The following NUP98 variants were observed in gnomAD, a reference collection of about 807,000 sequenced individuals.
The protein encoded by NUP98 is nucleoporin 98 and 96 precursor, also known as nuclear pore complex protein Nup98-Nup96.
NUP98 carries 26 observed loss-of-function variants against 191.9 expected under a neutral mutation model. The ratio of observed to expected loss-of-function variants is 0.14; its 90% CI spans 0.10 to 0.19. The LOEUF (loss-of-function observed/expected upper bound fraction) is 0.19. Among genes scored for constraint, NUP98 ranks in the 10% least tolerant of loss-of-function variants. The pLI is 1.00. For missense variants in NUP98, 1,941 were observed against 2,178.8 expected, an observed-to-expected ratio of 0.89 and a Z score of 2.17; for synonymous variants, 808 against 778.4, an observed-to-expected ratio of 1.04 and a Z score of -0.63.
intron 1 of NUP98, among the ~76,000 whole-genome samples, chr11:3,786,206 T>C (rs777735110): frequency 2.0e-5 from 3 of 152,314 alleles, no homozygotes; most frequent in East Asian, 1.9e-4. Flanking sequence ...AGAAAGAACA[T>C]TGCCAATTAA....
chr11:3,762,501 G>T (rs1382750323), intron 9 of NUP98, among the ~76,000 whole-genome samples: 1 of 151,942 alleles, frequency 6.6e-6, no homozygotes, highest in Non-Finnish European at 1.5e-5. Context: ...TCAACAATTT[G>T]ATCAACCCCA....
chr11:3,722,047 T>C (rs1484318275), intron 16 of NUP98, among the ~76,000 whole-genome samples: 1 of 150,326 alleles, frequency 6.7e-6, no homozygotes, highest in Non-Finnish European at 1.5e-5. Flanking sequence ...AGATATATAG[T>C]AGCATAATAA....
chr11:3,769,053 G>C (rs1162904702), intron 7 of NUP98, among the ~76,000 whole-genome samples: 1 of 152,136 alleles, frequency 6.6e-6, no homozygotes, highest in Non-Finnish European at 1.5e-5. Context: ...TTTTAACCTT[G>C]CTAGTCTAGG....
chr11:3,676,662 C>A, intron 31 of NUP98, 42 bp from the exon 32 acceptor site: 1 of 1,426,922 alleles, frequency 7.0e-7, no homozygotes. Flanking sequence ...AGGGGAGTTC[C>A]TATCACTCCA....
Position 3,797,468 on chromosome 11 carries a change from G to T in NUP98, c.-97C>A, listed in dbSNP as rs895766326. On this transcript the variant is annotated 5_prime_UTR_variant, in exon 1 of 33. Coordinates refer to ENST00000324932, the MANE Select transcript of NUP98 (RefSeq NM_016320.5). ...CCACCCGCCGCTCACAGAGCAGCGCGCGGCCCCCACGAAACCGTCGCCGCC... is the reference window on the plus strand; with the variant it reads ...CCACCCGCCGCTCACAGAGCAGCGCTCGGCCCCCACGAAACCGTCGCCGCC... The T allele has an allele frequency of 2.4e-5, 10 of 423,954 alleles. No homozygotes were observed. Among genetic ancestry groups the T allele is most frequent in the Non-Finnish European group, 3.7e-5 (9 of 241,168 alleles). 26.3% of individuals were successfully genotyped at this position (423,954 alleles called of 1,614,324 possible).
In NUP98 at chr11:3,699,362, A is replaced by C. The variant is rs1252106239; in HGVS notation, c.3743-14T>G. 1 of 1,610,346 alleles carries C rather than the reference A, an allele frequency of 6.2e-7. No homozygotes were observed. Among genetic ancestry groups the C allele is most frequent in the East Asian group, 2.2e-5 (1 of 44,792 alleles). ...AGTGCTTCACAACTAAGGCAGGAAG[A>C]GAAAAACAATGTTACGAGACAAAGT... On this transcript the variant is annotated splice_polypyrimidine_tract_variant and intron_variant, in intron 24 of 32. Transcript: ENST00000324932.
chr11:3,708,686 T>C (rs2078937342), intron 20 of NUP98, among the ~76,000 whole-genome samples: 2 of 147,622 alleles, frequency 1.4e-5, no homozygotes, highest in Non-Finnish European at 3.0e-5. Flanking sequence ...GCAGATCAGG[T>C]ACCCTTTTTA....
Position 3,683,222 on chromosome 11 carries a change from G to A in NUP98, c.4896C>T (p.Leu1632=). The A allele has an allele frequency of 6.2e-7, 1 of 1,614,200 alleles. No individual in the cohort carries two copies. Among genetic ancestry groups the A allele is most frequent in the South Asian group, 1.1e-5 (1 of 91,076 alleles). ...CACCAGAAGCTAAGTGTCGGATGAT[G>A]AGCTTGTGGCAGCGGTTCCAGTGCT... The part of the protein sequence containing the change: ...KAEHWNRCHK[L]IIRHLASDAI... The change falls in exon 30 of 33, where the codon CTC becomes CTT. Residue 1632 remains leucine (L), a synonymous_variant. Transcript: ENST00000324932.
At position 3,717,113 on chromosome 11, in the gene NUP98, G is replaced by C. The variant is rs553778827; in HGVS notation, c.2399+2299C>G. Among the ~76,000 whole-genome samples, 401 of 152,292 alleles carry C rather than the reference G, an allele frequency of 2.6e-3. 1 individual carries two copies. Among genetic ancestry groups the C allele is most frequent in the Non-Finnish European group, 4.8e-3 (324 of 68,038 alleles). ...AGGTTCAAGCCATTCTCTAGCCTCA[G>C]CCTCCGGAGTAGCTGGGATTACAGG... On this transcript the variant is annotated intron_variant, in intron 18 of 32. Coordinates refer to ENST00000324932, the MANE Select transcript of NUP98 (RefSeq NM_016320.5).
At chr11:3,741,356 T>A (rs532460039) in intron 12 of NUP98, among the ~76,000 whole-genome samples, 2 of 151,854 alleles carry the variant, frequency 1.3e-5, no homozygotes, top group South Asian at 4.2e-4. Flanking sequence ...GAGCGGTGGC[T>A]CATGCCTGTA....
At chr11:3,694,138 G>A (rs961439470) in intron 26 of NUP98, among the ~76,000 whole-genome samples, 5 of 151,530 alleles carry the variant, frequency 3.3e-5, no homozygotes, top group South Asian at 2.1e-4. Flanking sequence ...TTGGGAGGCC[G>A]AGGTGGGTGG....
At chr11:3,702,054 G>T (rs1365388266) in intron 23 of NUP98, among the ~76,000 whole-genome samples, 2 of 152,114 alleles carry the variant, frequency 1.3e-5, no homozygotes, top group South Asian at 2.1e-4. Flanking sequence ...ACTTTGGGAG[G>T]CCAAGGTAGG....
In NUP98 at chr11:3,760,741, ACATT is replaced by A. The variant is rs2081135871; in HGVS notation, c.1087-119_1087-116del. On this transcript the variant is annotated intron_variant, in intron 9 of 32. Coordinates refer to ENST00000324932, the MANE Select transcript of NUP98 (RefSeq NM_016320.5). Reference sequence around the variant, plus strand: ...TATGGGGTGGGAGAAAGATGTCCTAACATTCATAAAAAAGGTAGAAAAAAGATGA... The same window carrying A: ...TATGGGGTGGGAGAAAGATGTCCTAACATAAAAAAGGTAGAAAAAAGATGA... 9 of 690,204 alleles carry A rather than the reference ACATT, an allele frequency of 1.3e-5. No homozygotes were observed. The South Asian group carries it at 1.3e-4, about 10-fold the overall frequency. 42.8% of individuals were successfully genotyped at this position (690,204 alleles called of 1,614,324 possible). A position where few individuals can be genotyped will look rare whatever the true frequency, so the allele number is the denominator to read the frequency against.
chr11:3,788,629 G>A (rs546744246), intron 1 of NUP98, among the ~76,000 whole-genome samples: 124 of 151,838 alleles, frequency 8.2e-4, no homozygotes, highest in African/African-American at 2.9e-3. Context: ...AAAAGTGAAA[G>A]GATATATACC....
chr11:3,676,140 G>T lies in NUP98; in HGVS notation c.*19C>A, dbSNP rs775017008. 9 of 1,609,792 alleles carry T rather than the reference G, an allele frequency of 5.6e-6. No homozygotes were observed. In the Admixed American group the frequency reaches 6.7e-5, roughly 12 times the overall value. ...GTGGTGTGAATGGGCATGTGACTGT[G>T]ATGCAAAGTGCCTGGGGCTCACAGG... On this transcript the variant is annotated 3_prime_UTR_variant, in exon 33 of 33. Transcript: ENST00000324932.
chr11:3,758,330 AAAAG>A (rs1484512277), intron 10 of NUP98, among the ~76,000 whole-genome samples: 16 of 152,000 alleles, frequency 1.1e-4, no homozygotes, highest in Non-Finnish European at 1.3e-4. Context: ...CAAAAAAAAA[AAAAG>A]AAAGAAAAAA....
At chr11:3,786,549 T>C (rs577742866) in intron 1 of NUP98, among the ~76,000 whole-genome samples, 12 of 152,222 alleles carry the variant, frequency 7.9e-5, no homozygotes, top group Non-Finnish European at 1.6e-4. Flanking sequence ...AATTTTACTC[T>C]GTCCTCTATG....
chr11:3,783,131 C>T (rs1225316183), intron 1 of NUP98, among the ~76,000 whole-genome samples: 2 of 152,160 alleles, frequency 1.3e-5, no homozygotes, highest in South Asian at 2.1e-4. Flanking sequence ...TGGGCTCACA[C>T]CTCTAATCCT....
chr11:3,727,051 T>C (rs185298679), intron 14 of NUP98, among the ~76,000 whole-genome samples: 2 of 152,272 alleles, frequency 1.3e-5, no homozygotes, highest in Non-Finnish European at 2.9e-5. Flanking sequence ...ATGTGAGCCA[T>C]TGTACTCAGT....
Sources: allele counts gnomAD v4.1 joint callset (sites outside exome capture counted in the v4.1 genomes callset), GRCh38; gene constraint gnomAD v4.1.1; transcripts MANE v1.5; gene names NCBI Gene and HGNC (gene_info 2026-07-23, HGNC 2026-07-21).